Variants in GRID2 observed in about 807,000 individuals in gnomAD.
GRID2 encodes the protein glutamate receptor ionotropic, delta-2.
Under a neutral mutation model 114.8 loss-of-function variants are expected in GRID2, and 33 were observed. The ratio of observed to expected loss-of-function variants is 0.29; its 90% confidence interval spans 0.22 to 0.38. The LOEUF (loss-of-function observed/expected upper bound fraction) is 0.38. GRID2 is among the 10% of genes least tolerant of loss of function. The pLI is 1.00. For synonymous variants in GRID2, 505 were observed against 449.9 expected, an observed-to-expected ratio of 1.12 and a Z score of -1.55; for missense variants, 1,184 against 1,257.7, an observed-to-expected ratio of 0.94 and a Z score of 0.89.
At chr4:93,421,302 G>T (rs1258247037) in intron 9 of GRID2, among the ~76,000 whole-genome samples, 1 of 152,102 alleles carries the variant, frequency 6.6e-6, no homozygotes, top group Non-Finnish European at 1.5e-5. Context: ...ACTACAGATT[G>T]TCTTTATTCT....
chr4:93,049,858 A>G (rs1726528196), intron 2 of GRID2, among the ~76,000 whole-genome samples: 1 of 151,972 alleles, frequency 6.6e-6, no homozygotes, highest in African/African-American at 2.4e-5. Flanking sequence ...CATGTTTCCA[A>G]CCCAGAGTTC....
Position 92,938,662 on chromosome 4 carries a change from C to G in GRID2, c.245-146333C>G, listed in dbSNP as rs556941656. The stretch of plus-strand genomic sequence containing the variant: ...ATGTACCATGTTGGCGTGCTGAATC[C>G]ATTAACTCCTCATTTAGCCTTAGGT... On this transcript the variant is annotated intron_variant, in intron 2 of 15. Transcript: ENST00000282020. Among the ~76,000 whole-genome samples, 30 of 146,064 alleles carry G rather than the reference C, an allele frequency of 2.1e-4. 1 individual carries two copies. Among genetic ancestry groups the G allele is most frequent in the Admixed American group, 4.5e-4 (6 of 13,372 alleles).
At chr4:93,059,143 G>C (rs149505694) in intron 2 of GRID2, among the ~76,000 whole-genome samples, 12 of 152,042 alleles carry the variant, frequency 7.9e-5, no homozygotes, top group African/African-American at 2.9e-4. Flanking sequence ...GTTAATGCAA[G>C]GAGCACTCTT....
At chr4:93,250,807 A>G (rs1202731764) in intron 8 of GRID2, among the ~76,000 whole-genome samples, 1 of 150,208 alleles carries the variant, frequency 6.7e-6, no homozygotes, top group Non-Finnish European at 1.5e-5. Context: ...ACATAGAAAG[A>G]GAGAGAAAGG....
chr4:93,092,069 A>G (rs570833047), intron 3 of GRID2, among the ~76,000 whole-genome samples: 6 of 152,280 alleles, frequency 3.9e-5, no homozygotes, highest in African/African-American at 1.4e-4. Flanking sequence ...ACTAAGGTAT[A>G]TGAGCCAGGA....
intron 2 of GRID2, among the ~76,000 whole-genome samples, chr4:92,983,672 T>G (rs73837377): frequency 9.2e-4 from 140 of 152,224 alleles, no homozygotes; most frequent in African/African-American, 3.2e-3. Flanking sequence ...TAGAACCCTT[T>G]AAGATGGAAA....
At chr4:93,002,009 C>G (rs1721038808) in intron 2 of GRID2, among the ~76,000 whole-genome samples, 3 of 150,810 alleles carry the variant, frequency 2.0e-5, no homozygotes, top group Non-Finnish European at 4.4e-5. Flanking sequence ...GTGCAGGTAT[C>G]TAAGTAATTC....
intron 8 of GRID2, among the ~76,000 whole-genome samples, chr4:93,265,512 A>C (rs1750725160): frequency 6.6e-6 from 1 of 152,166 alleles, no homozygotes; most frequent in Non-Finnish European, 1.5e-5. Flanking sequence ...CATATAATAA[A>C]ACCAACTTTC....
chr4:93,423,099 C>T, intron 10 of GRID2, 131 bp downstream of exon 10: 2 of 644,198 alleles, frequency 3.1e-6, no homozygotes, highest in Non-Finnish European at 5.4e-6. Flanking sequence ...GTTGGTTAAG[C>T]ATTAGGTGGT....
intron 1 of GRID2, among the ~76,000 whole-genome samples, chr4:93,789,924 G>A (rs968012433): frequency 2.6e-5 from 4 of 152,208 alleles, no homozygotes; most frequent in African/African-American, 4.8e-5. Context: ...CCTGAGCTCC[G>A]CCTTTTGTCA....
At chr4:92,652,110 T>C (rs1362870936) in intron 2 of GRID2, among the ~76,000 whole-genome samples, 1 of 151,952 alleles carries the variant, frequency 6.6e-6, no homozygotes, top group Non-Finnish European at 1.5e-5. Context: ...AACTTTATGG[T>C]GTGGTGAGTC....
At chr4:93,706,029 A>G (rs1020059336) in intron 14 of GRID2, among the ~76,000 whole-genome samples, 6 of 152,078 alleles carry the variant, frequency 3.9e-5, no homozygotes, top group Non-Finnish European at 1.5e-5. Flanking sequence ...ATTCTGTACC[A>G]TTAGTCTATG....
chr4:92,652,284 A>G (rs909029939), intron 2 of GRID2, among the ~76,000 whole-genome samples: 3 of 152,060 alleles, frequency 2.0e-5, no homozygotes, highest in Non-Finnish European at 4.4e-5. Flanking sequence ...AGAAACTCCC[A>G]TATATTCACA....
chr4:93,775,673 A>C (rs902847232), downstream of GRID2, among the ~76,000 whole-genome samples: 1 of 152,236 alleles, frequency 6.6e-6, no homozygotes, highest in East Asian at 1.9e-4. Flanking sequence ...AAGTACTTTT[A>C]TTCTATTCAA....
intron 2 of GRID2, among the ~76,000 whole-genome samples, chr4:92,713,067 A>G (rs1470023672): frequency 6.6e-6 from 1 of 151,412 alleles, no homozygotes; most frequent in Non-Finnish European, 1.5e-5. Context: ...ACATATGTAT[A>G]CATGTGCCAT....
chr4:92,389,023 G>C (rs994213773), intron 1 of GRID2, among the ~76,000 whole-genome samples: 2 of 151,886 alleles, frequency 1.3e-5, no homozygotes, highest in African/African-American at 4.8e-5. Flanking sequence ...CCTTAATACT[G>C]GTTAACCCAA....
intron 1 of GRID2, among the ~76,000 whole-genome samples, chr4:92,401,512 A>C (rs1224059534): frequency 1.3e-5 from 2 of 152,182 alleles, no homozygotes; most frequent in African/African-American, 4.8e-5. Context: ...AATAAAGCAA[A>C]TATCAAAAAA....
intron 2 of GRID2, among the ~76,000 whole-genome samples, chr4:93,065,660 C>T (rs1728229576): frequency 6.6e-6 from 1 of 151,850 alleles, no homozygotes; most frequent in Admixed American, 6.6e-5. Context: ...AAGGAATTTT[C>T]ATGGAATTCA....
chr4:93,317,986 A>AATATAT (rs58755199), intron 8 of GRID2, among the ~76,000 whole-genome samples: 3,058 of 100,664 alleles, frequency 0.03, 135 homozygotes, highest in Admixed American at 0.054. Flanking sequence ...TTAAAAGTGA[A>AATATAT]ATATATATAT....
Sources: gnomAD v4.1 joint callset for allele counts (sites outside exome capture counted in the v4.1 genomes callset) on GRCh38, gnomAD v4.1.1 for gene constraint, MANE v1.5 for transcripts, NCBI Gene and HGNC (gene_info 2026-07-23, HGNC 2026-07-21) for gene names.